Variants in LGSN observed in about 807,000 individuals in gnomAD.
LGSN encodes lengsin, lens protein with glutamine synthetase domain, also known as lengsin.
LGSN carries 21 observed loss-of-function variants against 19.5 expected under a neutral mutation model. The ratio of observed to expected loss-of-function variants is 1.07; its 90% confidence interval spans 0.76 to 1.55. The LOEUF (loss-of-function observed/expected upper bound fraction) is 1.55. Among genes scored for constraint, LGSN ranks in the 40% most tolerant of loss-of-function variants. LGSN has a pLI of 0.00. For missense variants in LGSN, 673 were observed against 608.5 expected (o/e 1.11, Z -1.12); for synonymous variants, 257 against 215.6 (o/e 1.19, Z -1.68).
the LGSN span, chr6:63,395,495 T>G: frequency 2.0e-5 from 3 of 152,222 alleles, no homozygotes; most frequent in Non-Finnish European, 4.4e-5. Flanking sequence ...AAAACCAGCT[T>G]CTGGCTCTTG....
the LGSN span, among the ~76,000 whole-genome samples, chr6:63,462,074 C>T: frequency 4.4e-3 from 668 of 152,260 alleles, 4 homozygotes; most frequent in African/African-American, 0.016. Flanking sequence ...AATTCTTTCT[C>T]TTCCAGGTCT....
chr6:63,383,959 C>A, the LGSN span, among the ~76,000 whole-genome samples: 1 of 152,328 alleles, frequency 6.6e-6, no homozygotes, highest in Admixed American at 6.5e-5. Context: ...ATACCAGCTT[C>A]TCTGCTAACC....
the LGSN span, among the ~76,000 whole-genome samples, chr6:63,400,867 G>A: frequency 3.3e-5 from 5 of 152,022 alleles, no homozygotes; most frequent in South Asian, 2.1e-4. Context: ...GGTGGTGGGC[G>A]CCTGTAATCC....
At chr6:63,281,304 A>AAAAT in intron 3 of LGSN, 84 bp from the exon 4 acceptor site, 1 of 132,216 alleles carries the variant, frequency 7.6e-6, no homozygotes, top group Non-Finnish European at 1.5e-5. Context: ...TGCTAATGAA[A>AAAAT]ATATATATAT....
the LGSN span, among the ~76,000 whole-genome samples, chr6:63,544,379 A>G: frequency 1.3e-5 from 2 of 152,198 alleles, no homozygotes; most frequent in African/African-American, 2.4e-5. Flanking sequence ...TGCAGACATT[A>G]TATCTTTAAC....
the LGSN span, among the ~76,000 whole-genome samples, chr6:63,525,462 C>T: frequency 1.3e-5 from 2 of 152,222 alleles, no homozygotes; most frequent in African/African-American, 2.4e-5. Context: ...TTCACGCCAG[C>T]AGTTCTAGCT....
chr6:63,495,469 T>TTTTTG, the LGSN span, among the ~76,000 whole-genome samples: 2 of 119,306 alleles, frequency 1.7e-5, no homozygotes, highest in African/African-American at 6.8e-5. Flanking sequence ...TTTTTTTTTT[T>TTTTTG]TTTTTTTGAG....
the LGSN span, among the ~76,000 whole-genome samples, chr6:63,393,818 C>T: frequency 5.3e-5 from 8 of 152,258 alleles, no homozygotes; most frequent in African/African-American, 1.9e-4. Flanking sequence ...TTCCTGGCGC[C>T]AGACAACAAA....
At chr6:63,341,718 G>T in the LGSN span, among the ~76,000 whole-genome samples, 3 of 152,104 alleles carry the variant, frequency 2.0e-5, no homozygotes, top group Non-Finnish European at 2.9e-5. Context: ...TGTCAGTGGG[G>T]GCTAAAGGGA....
rs575051715 is a variant in LGSN at position 63,277,929 on chromosome 6, C to A, written c.*2092G>T. 6.6e-6 allele frequency: 1 copy of A among 152,210 alleles called. No homozygotes were observed. The highest frequency in any genetic ancestry group is 1.5e-5 in the Non-Finnish European group (1 of 68,148). 9.4% of individuals were successfully genotyped at this position (152,210 alleles called of 1,614,324 possible). On this transcript the variant is annotated 3_prime_UTR_variant, in exon 4 of 4. Transcript: ENST00000370657. ...GTGAAACCCCATCTCTACTAAAAGG[C>A]CAGGCATGGTAGCAGGCACCTGGGA...
the LGSN span, chr6:63,572,446 C>T: frequency 7.9e-6 from 3 of 377,546 alleles, no homozygotes; most frequent in Non-Finnish European, 1.4e-5. Flanking sequence ...CACGTCGCGC[C>T]GGCTATAAAG....
At chr6:63,326,550 T>C in the LGSN span, among the ~76,000 whole-genome samples, 1 of 151,376 alleles carries the variant, frequency 6.6e-6, no homozygotes, top group African/African-American at 2.4e-5. Context: ...ACGGAGGAGG[T>C]GGGAGGCTCA....
At chr6:63,475,725 T>C in the LGSN span, among the ~76,000 whole-genome samples, 1 of 152,150 alleles carries the variant, frequency 6.6e-6, no homozygotes, top group Admixed American at 6.5e-5. Context: ...AAGCACTAAG[T>C]TTAAAAAAGA....
At chr6:63,492,541 A>T in the LGSN span, among the ~76,000 whole-genome samples, 1 of 152,198 alleles carries the variant, frequency 6.6e-6, no homozygotes, top group South Asian at 2.1e-4. Flanking sequence ...GTTCATGCAT[A>T]AAAGGACACT....
the LGSN span, among the ~76,000 whole-genome samples, chr6:63,326,559 C>T: frequency 6.6e-6 from 1 of 151,998 alleles, no homozygotes; most frequent in Non-Finnish European, 1.5e-5. Context: ...GTGGGAGGCT[C>T]AGGCATGGCG....
At chr6:63,362,802 A>T in the LGSN span, among the ~76,000 whole-genome samples, 2 of 152,136 alleles carry the variant, frequency 1.3e-5, no homozygotes, top group Non-Finnish European at 2.9e-5. Context: ...GCAGCAGAAA[A>T]TTCTGCAAAC....
the LGSN span, among the ~76,000 whole-genome samples, chr6:63,366,195 G>A: frequency 5.3e-5 from 8 of 152,234 alleles, no homozygotes; most frequent in South Asian, 2.1e-4. Context: ...AAACCCCATC[G>A]TCTCAGCCTA....
At chr6:63,474,417 G>A in the LGSN span, among the ~76,000 whole-genome samples, 1 of 151,554 alleles carries the variant, frequency 6.6e-6, no homozygotes. Flanking sequence ...GACCATCCTG[G>A]CTAACATGGT....
chr6:63,454,418 T>C, the LGSN span, among the ~76,000 whole-genome samples: 91 of 152,188 alleles, frequency 6.0e-4, no homozygotes, highest in African/African-American at 2.1e-3. Context: ...AATTTAGTCG[T>C]TAACAGATAA....
Sources: gnomAD v4.1 joint callset for allele counts (sites outside exome capture counted in the v4.1 genomes callset) on GRCh38, gnomAD v4.1.1 for gene constraint, MANE v1.5 for transcripts, NCBI Gene and HGNC (gene_info 2026-07-23, HGNC 2026-07-21) for gene names.